Variants in ANKRD33B observed in about 807,000 individuals in gnomAD.
ANKRD33B encodes ankyrin repeat domain 33B, also known as ankyrin repeat domain-containing protein 33B.
Under a neutral mutation model 21.5 loss-of-function variants are expected in ANKRD33B, and 6 were observed. The ratio of observed to expected loss-of-function variants is 0.28; its 90% CI spans 0.15 to 0.55. ANKRD33B has a LOEUF of 0.55. Ranked by LOEUF, ANKRD33B falls within the 20% of genes least tolerant of loss-of-function variation. The pLI is 0.94. For missense variants in ANKRD33B, 698 were observed against 747.2 expected, an observed-to-expected ratio of 0.93 and a Z score of 0.77; for synonymous variants, 347 against 342.4, an observed-to-expected ratio of 1.01 and a Z score of -0.15.
chr5:10,622,480 C>G (rs11750932), intron 2 of ANKRD33B, among the ~76,000 whole-genome samples: 31,765 of 152,128 alleles, frequency 0.21, 3,604 homozygotes, highest in Non-Finnish European at 0.26. Flanking sequence ...TTCAAAAACG[C>G]GGTTAAATTT....
intron 1 of ANKRD33B, among the ~76,000 whole-genome samples, chr5:10,603,981 G>T (rs1171613734): frequency 2.7e-5 from 4 of 147,902 alleles, no homozygotes; most frequent in Non-Finnish European, 4.5e-5. Flanking sequence ...TATAACCTCT[G>T]CCTCCTGGGT....
chr5:10,633,652 G>T (rs1736787288), intron 2 of ANKRD33B, among the ~76,000 whole-genome samples: 1 of 152,202 alleles, frequency 6.6e-6, no homozygotes, highest in African/African-American at 2.4e-5. Context: ...ATCGCATGTG[G>T]CATTTAGCAC....
At chr5:10,570,956 C>T (rs1316618846) in intron 1 of ANKRD33B, among the ~76,000 whole-genome samples, 1 of 145,416 alleles carries the variant, frequency 6.9e-6, no homozygotes, top group Non-Finnish European at 1.5e-5. Flanking sequence ...AGAAAACAGG[C>T]ATTTAGTTTT....
intron 1 of ANKRD33B, among the ~76,000 whole-genome samples, chr5:10,572,624 C>T (rs1396315009): frequency 6.6e-6 from 1 of 152,174 alleles, no homozygotes; most frequent in African/African-American, 2.4e-5. Flanking sequence ...CTGCCCATGC[C>T]GCAGCGTTAG....
chr5:10,636,636 G>A (rs2126598620), intron 2 of ANKRD33B, among the ~76,000 whole-genome samples: 1 of 152,182 alleles, frequency 6.6e-6, no homozygotes, highest in Admixed American at 6.5e-5. Flanking sequence ...CAAAAAGGAT[G>A]GGAACTGGGT....
chr5:10,605,790 A>G (rs1199446104), intron 1 of ANKRD33B, among the ~76,000 whole-genome samples: 1 of 152,108 alleles, frequency 6.6e-6, no homozygotes, highest in Non-Finnish European at 1.5e-5. Context: ...CAACCTCCCA[A>G]ACTGCTGGGA....
At position 10,619,930 on chromosome 5, in the gene ANKRD33B, G is replaced by A. The variant is rs1285895487; in HGVS notation, c.496+1468G>A. Among the ~76,000 whole-genome samples the A allele has an allele frequency of 1.3e-5, 2 of 152,266 alleles. No homozygotes were observed. Among genetic ancestry groups the A allele is most frequent in the East Asian group, 1.9e-4 (1 of 5,170 alleles). On this transcript the variant is annotated intron_variant, in intron 2 of 3. Transcript: ENST00000296657. The surrounding 1 kb of genome is among the most constrained non-coding windows in gnomAD (Gnocchi z 4.5). ...CTATCTAGCCTGAAGTTCATGATAAGGTCTTGCAAGAAGGGGATTTGAGCT... is the reference window on the plus strand; with the variant it reads ...CTATCTAGCCTGAAGTTCATGATAAAGTCTTGCAAGAAGGGGATTTGAGCT...
chr5:10,564,456 C>G lies in ANKRD33B; in HGVS notation c.-12C>G. 15 of 1,149,454 alleles carry G rather than the reference C, an allele frequency of 1.3e-5. No homozygotes were observed. The highest frequency in any genetic ancestry group is 1.5e-5 in the Non-Finnish European group (14 of 935,802). 71.2% of individuals were successfully genotyped at this position (1,149,454 alleles called of 1,614,324 possible). A position where few individuals can be genotyped will look rare whatever the true frequency, so the allele number is the denominator to read the frequency against. ...CGCGCCCCGGCCCCCGGCCCGCGCC[C>G]CGGCCGCCGGCATGGTGCTGCTGGC... is the stretch of plus-strand genomic sequence containing the variant. On this transcript the variant is annotated 5_prime_UTR_variant, in exon 1 of 4. Coordinates refer to ENST00000296657, the MANE Select transcript of ANKRD33B (RefSeq NM_001164440.2).
chr5:10,581,689 A>G (rs1735448559), intron 1 of ANKRD33B, among the ~76,000 whole-genome samples: 1 of 152,186 alleles, frequency 6.6e-6, no homozygotes. Context: ...AACATCTACA[A>G]TTAGTTGACT....
intron 1 of ANKRD33B, among the ~76,000 whole-genome samples, chr5:10,583,337 CT>C (rs1408180247): frequency 2.0e-5 from 3 of 152,220 alleles, no homozygotes; most frequent in Non-Finnish European, 2.9e-5. Context: ...GTATCGTGCC[CT>C]GTTGCCAGTT....
chr5:10,636,421 C>T (rs866288940), intron 2 of ANKRD33B, among the ~76,000 whole-genome samples: 4 of 151,640 alleles, frequency 2.6e-5, no homozygotes, highest in African/African-American at 2.4e-5. Context: ...AGACCAGCCT[C>T]GGCAACGTTG....
At position 10,564,572 on chromosome 5, in the gene ANKRD33B, TGACTACGAA is replaced by T; in HGVS notation, c.108_116del (p.Asp36_Glu38del). On this transcript the variant is annotated inframe_deletion, in exon 1 of 4. Coordinates refer to ENST00000296657, the MANE Select transcript of ANKRD33B (RefSeq NM_001164440.2). Reference sequence around the variant, plus strand: ...GCGCGCAGGTCGAGGAGGACCCCGCTGACTACGAAGAGTTTGAGGACTTCTCGAGTCTGC... The same window carrying T: ...GCGCGCAGGTCGAGGAGGACCCCGCTGAGTTTGAGGACTTCTCGAGTCTGC... The T allele has an allele frequency of 6.5e-7, 1 of 1,534,342 alleles. No homozygotes were observed. Among genetic ancestry groups the T allele is most frequent in the Non-Finnish European group, 8.7e-7 (1 of 1,146,514 alleles).
intron 1 of ANKRD33B, among the ~76,000 whole-genome samples, chr5:10,615,277 A>G (rs533840614): frequency 5.1e-4 from 78 of 152,360 alleles, no homozygotes; most frequent in Non-Finnish European, 9.1e-4. Flanking sequence ...AAGCTGGAAT[A>G]TGCTAAAAGC....
intron 1 of ANKRD33B, among the ~76,000 whole-genome samples, chr5:10,595,863 T>C (rs1201929205): frequency 6.6e-6 from 1 of 152,216 alleles, no homozygotes; most frequent in Non-Finnish European, 1.5e-5. Context: ...TTGCCTCCTC[T>C]GTGAACGAGC....
At position 10,624,552 on chromosome 5, in the gene ANKRD33B, C is replaced by T. The variant is rs548729158; in HGVS notation, c.496+6090C>T. On this transcript the variant is annotated intron_variant, in intron 2 of 3. Coordinates refer to ENST00000296657, the MANE Select transcript of ANKRD33B (RefSeq NM_001164440.2). ...GGGCTCTGATCCCTGGACACCCAAC[C>T]TAGGCTGCTGCCTGAGGCTTTGGGA... 3.9e-5 allele frequency among the ~76,000 whole-genome samples: 6 copies of T among 152,334 alleles called. No homozygotes were observed. The East Asian group carries it at 9.6e-4, about 24-fold the overall frequency.
chr5:10,630,870 CAAA>C (rs34531639), intron 2 of ANKRD33B, among the ~76,000 whole-genome samples: 11 of 119,082 alleles, frequency 9.2e-5, no homozygotes, highest in Admixed American at 2.5e-4. Context: ...GAGACTGTGT[CAAA>C]AAAAAAAAAA....
At chr5:10,610,709 A>G (rs1051041731) in intron 1 of ANKRD33B, among the ~76,000 whole-genome samples, 1 of 152,170 alleles carries the variant, frequency 6.6e-6, no homozygotes, top group Non-Finnish European at 1.5e-5. Context: ...GTACATGGAG[A>G]GCATTTTGTG....
chr5:10,600,369 T>C (rs1286577926), intron 1 of ANKRD33B, among the ~76,000 whole-genome samples: 1 of 152,234 alleles, frequency 6.6e-6, no homozygotes, highest in African/African-American at 2.4e-5. Flanking sequence ...CCATATACAG[T>C]ATTAATCTTG....
chr5:10,576,987 G>A lies in ANKRD33B; in HGVS notation c.366+12154G>A, dbSNP rs895380760. 2.0e-5 allele frequency among the ~76,000 whole-genome samples: 3 copies of A among 152,144 alleles called. No individual in the cohort carries two copies. Among genetic ancestry groups the A allele is most frequent in the South Asian group, 2.1e-4 (1 of 4,828 alleles). On this transcript the variant is annotated intron_variant, in intron 1 of 3. Coordinates refer to ENST00000296657, the MANE Select transcript of ANKRD33B (RefSeq NM_001164440.2). The surrounding 1 kb of genome is among the most constrained non-coding windows in gnomAD (Gnocchi z 4.1). ...GCCTGTTGTGGGTGGGAGGAGAATCGGAAGCGGCATAAGGAGAGTTTTTCA... is the reference window on the plus strand; with the variant it reads ...GCCTGTTGTGGGTGGGAGGAGAATCAGAAGCGGCATAAGGAGAGTTTTTCA...
Sources: allele counts gnomAD v4.1 joint callset (sites outside exome capture counted in the v4.1 genomes callset), GRCh38; gene constraint gnomAD v4.1.1; non-coding constraint Gnocchi (gnomAD v3.1); transcripts MANE v1.5; gene names NCBI Gene and HGNC (gene_info 2026-07-23, HGNC 2026-07-21).